Variants in PARVA observed in about 807,000 individuals in gnomAD.
PARVA encodes parvin alpha.
Under a neutral mutation model 52.6 loss-of-function variants are expected in PARVA, and 25 were observed. The observed-to-expected ratio is 0.48, with a 90% CI of 0.35 to 0.66. The LOEUF (loss-of-function observed/expected upper bound fraction) is 0.66, where lower values mean the gene tolerates loss of function less well. PARVA is among the 30% of genes least tolerant of loss of function. The probability of loss-of-function intolerance (pLI) is 0.01; values close to 1 mark genes in which losing one functional copy is unlikely to be tolerated. For missense variants in PARVA, 373 were observed against 450.9 expected, an observed-to-expected ratio of 0.83 and a Z score of 1.56; for synonymous variants, 185 against 179.1, an observed-to-expected ratio of 1.03 and a Z score of -0.26.
chr11:12,428,731 T>C (rs546968026), intron 1 of PARVA, among the ~76,000 whole-genome samples: 12 of 152,272 alleles, frequency 7.9e-5, no homozygotes, highest in African/African-American at 2.6e-4. Context: ...GCAAATACAA[T>C]TTTTTGGTGC....
At chr11:12,446,137 T>A (rs1940544693) in intron 1 of PARVA, among the ~76,000 whole-genome samples, 1 of 152,228 alleles carries the variant, frequency 6.6e-6, no homozygotes, top group South Asian at 2.1e-4. Flanking sequence ...GTAATAAACA[T>A]GACATCTAAA....
intron 6 of PARVA, among the ~76,000 whole-genome samples, chr11:12,507,346 G>A (rs1941442832): frequency 6.6e-6 from 1 of 152,242 alleles, no homozygotes; most frequent in African/African-American, 2.4e-5. Flanking sequence ...TCTGGTGCTG[G>A]TGGTGGAGGG....
intron 1 of PARVA, among the ~76,000 whole-genome samples, chr11:12,455,296 C>T (rs780076101): frequency 6.6e-6 from 1 of 152,198 alleles, no homozygotes; most frequent in Non-Finnish European, 1.5e-5. Context: ...AACATTTCCT[C>T]ATTAAGTATT....
intron 4 of PARVA, chr11:12,479,714 T>C (rs1465855099): frequency 6.6e-6 from 1 of 152,274 alleles, no homozygotes; most frequent in Non-Finnish European, 1.5e-5. Context: ...TATGTGCATA[T>C]ATGTATAGGT....
chr11:12,416,357 T>G (rs6485717), intron 1 of PARVA, among the ~76,000 whole-genome samples: 37,909 of 152,092 alleles, frequency 0.25, 6,297 homozygotes, highest in African/African-American at 0.47. Flanking sequence ...TCCCTAGCGG[T>G]AGAACAGCCC....
chr11:12,445,470 G>T (rs1224079580), intron 1 of PARVA, among the ~76,000 whole-genome samples: 1 of 152,178 alleles, frequency 6.6e-6, no homozygotes, highest in Non-Finnish European at 1.5e-5. Flanking sequence ...ACTTCCCATT[G>T]ATCTAATGGG....
chr11:12,533,595 A>T lies in PARVA; in HGVS notation c.*5670A>T, dbSNP rs777230783. ...AATTTGCATGTAACTTGACTCCCCC[A>T]AAACGTAACTATAATACTAATAGCC... On this transcript the variant is annotated 3_prime_UTR_variant, in exon 13 of 13. Coordinates refer to ENST00000334956, the MANE Select transcript of PARVA (RefSeq NM_018222.5). 2.6e-5 allele frequency among the ~76,000 whole-genome samples: 4 copies of T among 152,186 alleles called. No homozygotes were observed. Among genetic ancestry groups the T allele is most frequent in the Non-Finnish European group, 1.5e-5 (1 of 68,026 alleles).
At chr11:12,472,780 G>A (rs1297080871) in intron 1 of PARVA, among the ~76,000 whole-genome samples, 5 of 152,134 alleles carry the variant, frequency 3.3e-5, no homozygotes, top group Non-Finnish European at 5.9e-5. Flanking sequence ...GGTGACCAAC[G>A]CCTTCTGAGA....
chr11:12,427,251 G>C (rs1940250485), intron 1 of PARVA, among the ~76,000 whole-genome samples: 1 of 152,198 alleles, frequency 6.6e-6, no homozygotes, highest in Admixed American at 6.5e-5. Flanking sequence ...AGCTGAAACA[G>C]ATACTTAGAT....
intron 1 of PARVA, among the ~76,000 whole-genome samples, chr11:12,418,187 GAGGTGGA>G (rs879747663): frequency 6.6e-6 from 1 of 152,224 alleles, no homozygotes; most frequent in Non-Finnish European, 1.5e-5. Flanking sequence ...ATGAGAGTCT[GAGGTGGA>G]AGTGGGTCAT....
At chr11:12,469,637 G>A (rs1564854943) in intron 1 of PARVA, among the ~76,000 whole-genome samples, 2 of 152,326 alleles carry the variant, frequency 1.3e-5, no homozygotes, top group Admixed American at 6.5e-5. Flanking sequence ...GGCCAGGCCT[G>A]CACTGGGCAG....
At chr11:12,500,487 A>G (rs1395369863) in intron 5 of PARVA, among the ~76,000 whole-genome samples, 1 of 152,160 alleles carries the variant, frequency 6.6e-6, no homozygotes, top group Non-Finnish European at 1.5e-5. Context: ...GTTCTAAAGA[A>G]TATTTGAAAA....
chr11:12,409,328 G>T (rs949691201), intron 1 of PARVA, among the ~76,000 whole-genome samples: 1 of 152,206 alleles, frequency 6.6e-6, no homozygotes, highest in Non-Finnish European at 1.5e-5. Flanking sequence ...TAAAATCTGG[G>T]GTTGTGGTAG....
chr11:12,521,805 G>A (rs970630705), intron 12 of PARVA, among the ~76,000 whole-genome samples: 1 of 152,162 alleles, frequency 6.6e-6, no homozygotes, highest in Admixed American at 6.5e-5. Context: ...AGAGGTCTAT[G>A]AGCCAGAGAA....
intron 12 of PARVA, among the ~76,000 whole-genome samples, chr11:12,522,980 G>C (rs1941657207): frequency 1.3e-5 from 2 of 152,072 alleles, no homozygotes; most frequent in South Asian, 2.1e-4. Context: ...ATGTAGAAGG[G>C]GGAGGGGATG....
At chr11:12,511,560 C>T (rs371449834) in intron 8 of PARVA, 27 bp downstream of exon 8, 25 of 1,611,780 alleles carry the variant, frequency 1.6e-5, no homozygotes, top group Non-Finnish European at 2.1e-5. Flanking sequence ...TGTCCTCTGG[C>T]ACTGGTGGCT....
chr11:12,507,066 T>G (rs893595772), intron 6 of PARVA, among the ~76,000 whole-genome samples: 1 of 152,206 alleles, frequency 6.6e-6, no homozygotes, highest in Non-Finnish European at 1.5e-5. Context: ...AGATTTTTTT[T>G]TTTCTTTTAC....
In PARVA at chr11:12,528,596, A is replaced by G. The variant is rs1035230285; in HGVS notation, c.*671A>G. ...TTACATTATGTTCTTTGCATGTTCT[A>G]AAGTTGTGTATGTGTGTGCACATCT... On this transcript the variant is annotated 3_prime_UTR_variant, in exon 13 of 13. Transcript: ENST00000334956. The G allele has an allele frequency of 1.3e-5, 2 of 152,782 alleles. No individual in the cohort carries two copies. The highest frequency in any genetic ancestry group is 2.4e-5 in the African/African-American group (1 of 41,464). 9.5% of individuals were successfully genotyped at this position (152,782 alleles called of 1,614,324 possible). A position where few individuals can be genotyped will look rare whatever the true frequency, so the allele number is the denominator to read the frequency against.
intron 4 of PARVA, 130 bp downstream of exon 4, chr11:12,478,079 A>G (rs1941039808): frequency 2.7e-6 from 2 of 743,526 alleles, no homozygotes; most frequent in South Asian, 1.4e-5. Flanking sequence ...TGTGTGGAGC[A>G]TGGAATAACA....
Sources: gnomAD v4.1 joint callset for allele counts (sites outside exome capture counted in the v4.1 genomes callset) on GRCh38, gnomAD v4.1.1 for gene constraint, MANE v1.5 for transcripts, NCBI Gene and HGNC (gene_info 2026-07-23, HGNC 2026-07-21) for gene names.